Variants in CABCOCO1 observed in about 807,000 individuals in gnomAD.
CABCOCO1 encodes ciliary associated calcium binding coiled-coil 1.
CABCOCO1 carries 28 observed loss-of-function variants against 35.7 expected under a neutral mutation model. That is an observed-to-expected ratio of 0.78 (90% CI 0.58 to 1.07). The LOEUF (loss-of-function observed/expected upper bound fraction) is 1.07, where lower values mean the gene tolerates loss of function less well. CABCOCO1 is among the 50% of genes least tolerant of loss of function. CABCOCO1 has a pLI of 0.00. For synonymous variants in CABCOCO1, 95 were observed against 100.1 expected (o/e 0.95, Z 0.30); for missense variants, 326 against 309.2 (o/e 1.05, Z -0.41).
At chr10:61,689,998 C>T (rs777172034) in intron 4 of CABCOCO1, among the ~76,000 whole-genome samples, 15 of 151,888 alleles carry the variant, frequency 9.9e-5, no homozygotes, top group African/African-American at 1.5e-4. Context: ...CATGTATGAC[C>T]GAATATTCTG....
chr10:61,681,168 A>C lies in CABCOCO1; in HGVS notation c.190A>C (p.Lys64Gln), dbSNP rs2131976978. Reference sequence around the variant, plus strand: ...AAAACTGAGAATATTTTTGAATTTCAAAAACCTTGAAACTTGTTTAAAGGA... The same window carrying C: ...AAAACTGAGAATATTTTTGAATTTCCAAAACCTTGAAACTTGTTTAAAGGA... The part of the protein sequence containing the change: ...QEKLRIFLNF[K>Q]NLETCLKDAI... The change falls in exon 3 of 8, where the codon AAA (lysine) becomes CAA (glutamine). Residue 64 changes from lysine (K) to glutamine (Q), a missense_variant. Transcript: ENST00000648843. 6.8e-7 allele frequency: 1 copy of C among 1,474,032 alleles called. No homozygotes were observed. Among genetic ancestry groups the C allele is most frequent in the East Asian group, 2.5e-5 (1 of 39,778 alleles). 91.3% of individuals were successfully genotyped at this position (1,474,032 alleles called of 1,614,324 possible). A position where few individuals can be genotyped will look rare whatever the true frequency, so the allele number is the denominator to read the frequency against.
rs61850477 is a variant in CABCOCO1 at position 61,697,925 on chromosome 10, T to C, written c.552+7304T>C. On this transcript the variant is annotated intron_variant, in intron 5 of 7. Coordinates refer to ENST00000648843, the MANE Select transcript of CABCOCO1 (RefSeq NM_001366906.2). ...TTTAAAATTTCAATATAAACTAGGT[T>C]TACTAAAAAGTCATTTATAGAGTAA... Among the ~76,000 whole-genome samples the C allele has an allele frequency of 7.2e-3, 1,093 of 152,174 alleles. 7 individuals carry two copies. Among genetic ancestry groups the C allele is most frequent in the Non-Finnish European group, 0.012 (832 of 67,986 alleles).
At chr10:61,744,304 C>A (rs1252168202) in intron 5 of CABCOCO1, among the ~76,000 whole-genome samples, 1 of 152,078 alleles carries the variant, frequency 6.6e-6, no homozygotes, top group African/African-American at 2.4e-5. Flanking sequence ...AACATTATTA[C>A]AGGAAATGTA....
At chr10:61,700,893 C>T (rs139405529) in intron 5 of CABCOCO1, among the ~76,000 whole-genome samples, 130 of 151,870 alleles carry the variant, frequency 8.6e-4, no homozygotes, top group African/African-American at 2.1e-3. Context: ...ATTGTGACTG[C>T]AGTTTATAGT....
At chr10:61,676,738 A>C (rs1461093481) in intron 2 of CABCOCO1, among the ~76,000 whole-genome samples, 4 of 152,146 alleles carry the variant, frequency 2.6e-5, no homozygotes, top group African/African-American at 9.7e-5. Context: ...AAGAAATCCA[A>C]TCTAATGAAT....
intron 5 of CABCOCO1, among the ~76,000 whole-genome samples, chr10:61,708,325 G>T (rs1249053411): frequency 1.3e-5 from 2 of 151,716 alleles, no homozygotes; most frequent in African/African-American, 4.8e-5. Flanking sequence ...GTCTTCATTT[G>T]TTGCCTTTAT....
intron 2 of CABCOCO1, among the ~76,000 whole-genome samples, chr10:61,680,525 A>G (rs111738710): frequency 7.4e-6 from 1 of 135,844 alleles, no homozygotes; most frequent in Non-Finnish European, 1.5e-5. Flanking sequence ...ATAACATATT[A>G]TATGTTATAT....
At chr10:61,707,926 C>T (rs1401548722) in intron 5 of CABCOCO1, among the ~76,000 whole-genome samples, 1 of 151,920 alleles carries the variant, frequency 6.6e-6, no homozygotes, top group Admixed American at 6.6e-5. Flanking sequence ...TTACCATTAA[C>T]GATTTTCTTA....
chr10:61,717,293 T>C (rs749527454), intron 5 of CABCOCO1, among the ~76,000 whole-genome samples: 2 of 152,224 alleles, frequency 1.3e-5, no homozygotes, highest in Non-Finnish European at 2.9e-5. Context: ...ACTTTTCCTC[T>C]GACTTAATCT....
At chr10:61,761,772 C>G (rs1842014694) in intron 7 of CABCOCO1, among the ~76,000 whole-genome samples, 1 of 152,090 alleles carries the variant, frequency 6.6e-6, no homozygotes, top group African/African-American at 2.4e-5. Flanking sequence ...TAGTTGTCAT[C>G]TGAACATGAG....
intron 5 of CABCOCO1, among the ~76,000 whole-genome samples, chr10:61,695,846 G>C (rs1489159687): frequency 6.6e-6 from 1 of 151,990 alleles, no homozygotes; most frequent in Non-Finnish European, 1.5e-5. Context: ...AATATGAACA[G>C]ACAATATGAG....
intron 5 of CABCOCO1, among the ~76,000 whole-genome samples, chr10:61,741,128 G>C (rs186994191): frequency 2.6e-4 from 40 of 151,878 alleles, no homozygotes; most frequent in Middle Eastern, 3.4e-3. Flanking sequence ...TGGATGACAA[G>C]AGTGAGACTC....
chr10:61,680,246 C>T (rs942582743), intron 2 of CABCOCO1, among the ~76,000 whole-genome samples: 4 of 148,630 alleles, frequency 2.7e-5, no homozygotes, highest in South Asian at 2.1e-4. Context: ...GGAGAGGCAG[C>T]GGTTGCAGTG....
At chr10:61,693,099 G>A (rs1273520181) in intron 5 of CABCOCO1, among the ~76,000 whole-genome samples, 1 of 152,042 alleles carries the variant, frequency 6.6e-6, no homozygotes, top group Non-Finnish European at 1.5e-5. Context: ...GGAGAAAGTA[G>A]ACAGGCTTGG....
intron 5 of CABCOCO1, among the ~76,000 whole-genome samples, chr10:61,691,601 G>A (rs796682051): frequency 1.5e-4 from 23 of 152,126 alleles, no homozygotes; most frequent in African/African-American, 4.1e-4. Context: ...CCATCAACCC[G>A]TCATTTACAT....
In CABCOCO1 at chr10:61,760,082, T is replaced by C. The variant is rs1392347062; in HGVS notation, c.576T>C (p.Ser192=). 1.2e-6 allele frequency: 2 copies of C among 1,612,914 alleles called. No individual in the cohort carries two copies. Among genetic ancestry groups the C allele is most frequent in the South Asian group, 1.1e-5 (1 of 91,048 alleles). Residue 192 remains serine (S), a synonymous_variant, in exon 6 of 8, where the codon TCT becomes TCC. Transcript: ENST00000648843. Reference sequence around the variant, plus strand: ...AGCAAGTGATAGAGGTTGTCAAGTCTGCATGTGGCCCTTTCCCAAATCCTC... The same window carrying C: ...AGCAAGTGATAGAGGTTGTCAAGTCCGCATGTGGCCCTTTCCCAAATCCTC... ...GTEQVIEVVK[S]ACGPFPNPLE...
At chr10:61,746,386 G>C (rs750265942) in intron 5 of CABCOCO1, among the ~76,000 whole-genome samples, 1 of 151,932 alleles carries the variant, frequency 6.6e-6, no homozygotes, top group African/African-American at 2.4e-5. Flanking sequence ...AAAAAACTTC[G>C]CAGTTGTTTT....
At chr10:61,687,597 C>T (rs1840006485) in intron 4 of CABCOCO1, among the ~76,000 whole-genome samples, 1 of 152,120 alleles carries the variant, frequency 6.6e-6, no homozygotes, top group Non-Finnish European at 1.5e-5. Context: ...AGGATGACAG[C>T]TCTTTTCCCC....
At chr10:61,704,486 G>A (rs1005737160) in intron 5 of CABCOCO1, among the ~76,000 whole-genome samples, 1 of 152,202 alleles carries the variant, frequency 6.6e-6, no homozygotes, top group African/African-American at 2.4e-5. Flanking sequence ...CAAGGCCAGA[G>A]CCTGAGGCCC....
Sources: allele counts gnomAD v4.1 joint callset (sites outside exome capture counted in the v4.1 genomes callset), GRCh38; gene constraint gnomAD v4.1.1; transcripts MANE v1.5; gene names NCBI Gene and HGNC (gene_info 2026-07-23, HGNC 2026-07-21).